PRKG1: variants seen among roughly 807,000 people sequenced by gnomAD.
PRKG1 encodes the protein protein kinase cGMP-dependent 1.
PRKG1 carries 35 observed loss-of-function variants against 88.1 expected under a neutral mutation model. That is an observed-to-expected ratio of 0.40 (90% confidence interval 0.30 to 0.53). The LOEUF (loss-of-function observed/expected upper bound fraction) is 0.53, where lower values mean the gene tolerates loss of function less well. PRKG1 is among the 20% of genes least tolerant of loss of function. PRKG1 has a pLI of 0.59. For synonymous variants in PRKG1, 303 were observed against 292.5 expected (o/e 1.04, Z -0.37); for missense variants, 540 against 839.8 (o/e 0.64, Z 4.41).
intron 3 of PRKG1, among the ~76,000 whole-genome samples, chr10:51,512,877 G>A (rs1391478250): frequency 1.1e-5 from 1 of 94,802 alleles, no homozygotes; most frequent in Non-Finnish European, 2.1e-5. Flanking sequence ...ACTTTTTAAT[G>A]ATTGCCATTC....
intron 1 of PRKG1, among the ~76,000 whole-genome samples, chr10:51,034,259 C>T (rs1843323310): frequency 6.6e-6 from 1 of 152,042 alleles, no homozygotes; most frequent in Non-Finnish European, 1.5e-5. Flanking sequence ...AGTTTTTGAG[C>T]TGTAGTTGAA....
intron 5 of PRKG1, among the ~76,000 whole-genome samples, chr10:52,033,943 C>T (rs1845536084): frequency 2.0e-5 from 3 of 148,278 alleles, no homozygotes; most frequent in East Asian, 2.0e-4. Flanking sequence ...TGTTCTCTGG[C>T]AGGCAGCAGT....
At chr10:51,012,930 A>G (rs572349932) in intron 1 of PRKG1, among the ~76,000 whole-genome samples, 24 of 152,336 alleles carry the variant, frequency 1.6e-4, no homozygotes, top group African/African-American at 5.3e-4. Flanking sequence ...TTGGGAAATC[A>G]CTTTAGACAG....
At chr10:51,503,178 C>T (rs761310711) in intron 3 of PRKG1, among the ~76,000 whole-genome samples, 1 of 152,156 alleles carries the variant, frequency 6.6e-6, no homozygotes. Context: ...CCTGAGTGCT[C>T]TCACTACATC....
chr10:51,424,771 C>T (rs1300906987), intron 2 of PRKG1, among the ~76,000 whole-genome samples: 3 of 151,854 alleles, frequency 2.0e-5, no homozygotes, highest in Admixed American at 6.6e-5. Flanking sequence ...GCTTTTTTTC[C>T]TGATGCATTA....
rs568978739 is a variant in PRKG1 at position 52,133,248 on chromosome 10, A to T, written c.936-592A>T. On this transcript the variant is annotated intron_variant, in intron 7 of 17. Transcript: ENST00000373980. ...TGCAGTAACAAATTAAATGCTTCTA[A>T]AGAGACAATATTTACATGTTTCTAT... Among the ~76,000 whole-genome samples the T allele has an allele frequency of 5.3e-5, 8 of 152,230 alleles. No individual in the cohort carries two copies. The South Asian group carries it at 1.7e-3, about 32-fold the overall frequency.
intron 3 of PRKG1, among the ~76,000 whole-genome samples, chr10:51,627,954 CTT>C (rs1189835155): frequency 6.4e-5 from 1 of 15,588 alleles, no homozygotes; most frequent in East Asian, 1.9e-3. Context: ...TTCTTTCTTT[CTT>C]TCTTTCTTTC....
intron 7 of PRKG1, among the ~76,000 whole-genome samples, chr10:52,085,487 C>T (rs1846888964): frequency 6.6e-6 from 1 of 152,058 alleles, no homozygotes; most frequent in Non-Finnish European, 1.5e-5. Context: ...CCAGACTTGA[C>T]TGGGATAATC....
At chr10:51,693,117 G>A (rs1445734137) in intron 3 of PRKG1, among the ~76,000 whole-genome samples, 5 of 151,400 alleles carry the variant, frequency 3.3e-5, no homozygotes, top group African/African-American at 7.3e-5. Flanking sequence ...GTGAAACCCC[G>A]TCTCTACTAA....
chr10:51,318,842 T>C (rs1328957119), intron 2 of PRKG1, among the ~76,000 whole-genome samples: 2 of 152,228 alleles, frequency 1.3e-5, no homozygotes. Context: ...ATAAATTGCT[T>C]AGAATCTGAG....
intron 3 of PRKG1, among the ~76,000 whole-genome samples, chr10:51,729,491 G>A (rs557577427): frequency 1.3e-5 from 2 of 151,934 alleles, no homozygotes; most frequent in South Asian, 2.1e-4. Flanking sequence ...AGGCCAAGGC[G>A]GGCTCAGGAG....
intron 2 of PRKG1, among the ~76,000 whole-genome samples, chr10:51,198,676 G>A (rs527932116): frequency 1.3e-5 from 2 of 152,252 alleles, no homozygotes; most frequent in Non-Finnish European, 2.9e-5. Flanking sequence ...CTGTTTACAG[G>A]TTATTGGACC....
rs761517167 is a variant in PRKG1 at position 52,288,759 on chromosome 10, C to A, written c.1743C>A (p.Thr581=). ...PPFSGPDPMK[T]YNIILRGIDM... ...TCTCAGGCCCAGATCCTATGAAAAC[C>A]TATAACATCATATTGAGGGGGATTG... Residue 581 remains threonine, a synonymous_variant, in exon 15 of 18, where the codon ACC becomes ACA. Coordinates refer to ENST00000373980, the MANE Select transcript of PRKG1 (RefSeq NM_006258.4). 2 of 1,600,546 alleles carry A rather than the reference C, an allele frequency of 1.2e-6. No individual in the cohort carries two copies. The highest frequency in any genetic ancestry group is 3.5e-5 in the Admixed American group (2 of 56,792).
intron 9 of PRKG1, among the ~76,000 whole-genome samples, chr10:52,167,852 T>A (rs1436174334): frequency 6.6e-6 from 1 of 152,232 alleles, no homozygotes; most frequent in African/African-American, 2.4e-5. Context: ...TATAGATATG[T>A]AAATGCACTT....
intron 5 of PRKG1, among the ~76,000 whole-genome samples, chr10:52,006,834 T>C (rs1844748628): frequency 6.6e-6 from 1 of 152,052 alleles, no homozygotes; most frequent in African/African-American, 2.4e-5. Flanking sequence ...TTACATTCTC[T>C]AAGGTCAAAA....
At chr10:52,192,666 T>C (rs1839395650) in intron 9 of PRKG1, among the ~76,000 whole-genome samples, 1 of 152,124 alleles carries the variant, frequency 6.6e-6, no homozygotes, top group South Asian at 2.1e-4. Flanking sequence ...ATTGAATTAA[T>C]CTTTTTCCAG....
chr10:51,727,260 G>T (rs1842155031), intron 3 of PRKG1, among the ~76,000 whole-genome samples: 1 of 148,784 alleles, frequency 6.7e-6, no homozygotes, highest in Non-Finnish European at 1.5e-5. Flanking sequence ...GGGCAACACA[G>T]TAAGACCCCA....
chr10:52,252,246 A>C (rs966909542), intron 10 of PRKG1: 1 of 152,108 alleles, frequency 6.6e-6, no homozygotes, highest in East Asian at 1.9e-4. Flanking sequence ...TATATTCATG[A>C]AGATGATGAT....
intron 2 of PRKG1, among the ~76,000 whole-genome samples, chr10:51,199,037 G>A (rs1405010841): frequency 6.6e-6 from 1 of 152,094 alleles, no homozygotes; most frequent in Non-Finnish European, 1.5e-5. Context: ...GTGCAAAAAG[G>A]GTGACGAACA....
Sources: gnomAD v4.1 joint callset for allele counts (sites outside exome capture counted in the v4.1 genomes callset) on GRCh38, gnomAD v4.1.1 for gene constraint, MANE v1.5 for transcripts, NCBI Gene and HGNC (gene_info 2026-07-23, HGNC 2026-07-21) for gene names.